Variants in TENM3 observed in about 807,000 individuals in gnomAD.
The protein encoded by TENM3 is teneurin transmembrane protein 3.
A neutral mutation model predicts 255.1 loss-of-function variants in TENM3; 63 were observed. The ratio of observed to expected loss-of-function variants is 0.25; its 90% CI spans 0.20 to 0.30. TENM3 has a LOEUF of 0.30. Ranked by LOEUF, TENM3 falls within the 10% of genes least tolerant of loss-of-function variation. The pLI is 1.00. For synonymous variants in TENM3, 1,306 were observed against 1,322.3 expected (o/e 0.99, Z 0.27); for missense variants, 2,929 against 3,461.1 (o/e 0.85, Z 3.86).
At chr4:181,896,368 C>T in the TENM3 span, among the ~76,000 whole-genome samples, 1 of 152,106 alleles carries the variant, frequency 6.6e-6, no homozygotes, top group African/African-American at 2.4e-5. Flanking sequence ...TCATGATGAT[C>T]CCTTTTAAAA....
chr4:182,349,323 T>G (rs1765027016), intron 3 of TENM3, among the ~76,000 whole-genome samples: 1 of 152,232 alleles, frequency 6.6e-6, no homozygotes, highest in African/African-American at 2.4e-5. Context: ...TCTTAATGAA[T>G]ACTGGCTATT....
the TENM3 span, among the ~76,000 whole-genome samples, chr4:181,993,663 C>T: frequency 6.6e-6 from 1 of 152,132 alleles, no homozygotes; most frequent in Non-Finnish European, 1.5e-5. Flanking sequence ...TTTTCTTTCC[C>T]ATACCCAACC....
the TENM3 span, among the ~76,000 whole-genome samples, chr4:182,049,767 G>A: frequency 5.5e-4 from 83 of 152,244 alleles, no homozygotes; most frequent in African/African-American, 1.9e-3. Context: ...CAGCTTAAAT[G>A]GCGTTTATTT....
chr4:182,394,172 T>G (rs1283550203), intron 3 of TENM3, among the ~76,000 whole-genome samples: 1 of 152,246 alleles, frequency 6.6e-6, no homozygotes, highest in Non-Finnish European at 1.5e-5. Context: ...GGTCTCTAAC[T>G]GCTCGTGGAA....
At chr4:182,428,660 A>C (rs1203070845) in intron 3 of TENM3, among the ~76,000 whole-genome samples, 1 of 152,068 alleles carries the variant, frequency 6.6e-6, no homozygotes, top group Non-Finnish European at 1.5e-5. Context: ...GCCTTGCTTG[A>C]CTTGTGCAGC....
At chr4:182,674,945 C>T (rs781316734) in intron 7 of TENM3, among the ~76,000 whole-genome samples, 32 of 151,864 alleles carry the variant, frequency 2.1e-4, no homozygotes, top group Non-Finnish European at 3.4e-4. Flanking sequence ...GGCATGATCT[C>T]GGCTCGCCAC....
chr4:181,594,933 AT>A, the TENM3 span, among the ~76,000 whole-genome samples: 1 of 152,112 alleles, frequency 6.6e-6, no homozygotes, highest in Admixed American at 6.5e-5. Context: ...GCAAAATTTG[AT>A]TCCTCTCTTT....
At chr4:182,428,026 CA>C (rs904609163) in intron 3 of TENM3, among the ~76,000 whole-genome samples, 2 of 151,252 alleles carry the variant, frequency 1.3e-5, no homozygotes, top group African/African-American at 4.9e-5. Flanking sequence ...ATTTCTGCAA[CA>C]AAAAATGCAT....
chr4:182,613,415 T>A (rs1423591096), intron 4 of TENM3, among the ~76,000 whole-genome samples: 5 of 152,194 alleles, frequency 3.3e-5, no homozygotes, highest in African/African-American at 1.2e-4. Context: ...TTCTTAACAT[T>A]CCCAAACAAT....
intron 1 of TENM3, among the ~76,000 whole-genome samples, chr4:182,230,127 TAA>T (rs34376758): frequency 0.17 from 22,803 of 134,072 alleles, 1,925 homozygotes; most frequent in African/African-American, 0.24. Flanking sequence ...TTGATGCTAC[TAA>T]AAAAAAAAAA....
the TENM3 span, among the ~76,000 whole-genome samples, chr4:181,907,027 C>A: frequency 4.6e-5 from 7 of 152,184 alleles, no homozygotes; most frequent in Non-Finnish European, 8.8e-5. Context: ...TACAGGCACC[C>A]ACCACCACAC....
intron 1 of TENM3, among the ~76,000 whole-genome samples, chr4:182,277,516 C>T (rs927296453): frequency 2.0e-5 from 3 of 152,166 alleles, no homozygotes; most frequent in African/African-American, 7.2e-5. Context: ...ATAAGCTTCC[C>T]ATTCAGAACA....
the TENM3 span, among the ~76,000 whole-genome samples, chr4:182,048,290 C>A: frequency 6.6e-6 from 1 of 152,120 alleles, no homozygotes; most frequent in Non-Finnish European, 1.5e-5. Context: ...GTAAGCATTA[C>A]AAGTATAGGT....
chr4:182,286,305 T>G (rs573587059), intron 1 of TENM3, among the ~76,000 whole-genome samples: 1 of 152,336 alleles, frequency 6.6e-6, no homozygotes, highest in South Asian at 2.1e-4. Flanking sequence ...ATTCTACAAT[T>G]TTCTTTTCCC....
chr4:181,883,501 C>T, the TENM3 span, among the ~76,000 whole-genome samples: 6 of 152,264 alleles, frequency 3.9e-5, no homozygotes, highest in East Asian at 9.7e-4. Flanking sequence ...GGCGGAGTCT[C>T]GCTCTGTCTG....
At chr4:182,422,972 C>T (rs1770947282) in intron 3 of TENM3, among the ~76,000 whole-genome samples, 3 of 152,150 alleles carry the variant, frequency 2.0e-5, no homozygotes, top group Admixed American at 1.3e-4. Context: ...AGGCCTTGTT[C>T]CTAACCTTGA....
chr4:181,825,130 C>T, the TENM3 span, among the ~76,000 whole-genome samples: 194 of 152,284 alleles, frequency 1.3e-3, no homozygotes, highest in Non-Finnish European at 2.0e-3. Flanking sequence ...AGGCTGGACG[C>T]GGTGGCTCAC....
chr4:182,013,047 A>C, the TENM3 span, among the ~76,000 whole-genome samples: 1 of 152,290 alleles, frequency 6.6e-6, no homozygotes, highest in East Asian at 1.9e-4. Flanking sequence ...CCCTGCCATC[A>C]ATTTACTTGT....
At chr4:182,243,705 T>C (rs1321080465) in intron 1 of TENM3, among the ~76,000 whole-genome samples, 3 of 152,166 alleles carry the variant, frequency 2.0e-5, no homozygotes, top group Non-Finnish European at 4.4e-5. Context: ...ATGCTTGAAA[T>C]GAACACACCA....
Sources: allele counts gnomAD v4.1 joint callset (sites outside exome capture counted in the v4.1 genomes callset), GRCh38; gene constraint gnomAD v4.1.1; transcripts MANE v1.5; gene names NCBI Gene and HGNC (gene_info 2026-07-23, HGNC 2026-07-21).